The following XXYLT1 variants were observed in gnomAD, a reference collection of about 807,000 sequenced individuals.
The protein encoded by XXYLT1 is xyloside xylosyltransferase 1, also known as UDP-xylose:alpha-xyloside alpha-1,3-xylosyltransferase.
A neutral mutation model predicts 28.9 loss-of-function variants in XXYLT1; 20 were observed. The ratio of observed to expected loss-of-function variants is 0.69; its 90% CI spans 0.49 to 1.00. The LOEUF (loss-of-function observed/expected upper bound fraction) is 1.00, where lower values mean the gene tolerates loss of function less well. XXYLT1 is among the 50% of genes least tolerant of loss of function. XXYLT1 has a pLI of 0.00. For missense variants in XXYLT1, 542 were observed against 560.1 expected (o/e 0.97, Z 0.33); for synonymous variants, 257 against 253.8 (o/e 1.01, Z -0.12).
chr3:195,152,453 CGAGA>C (rs1412269749), intron 3 of XXYLT1: 3 of 151,928 alleles, frequency 2.0e-5, no homozygotes, highest in Non-Finnish European at 4.4e-5. Flanking sequence ...AACAGGGACC[CGAGA>C]GAGAGAGGCT....
chr3:195,270,895 A>G lies in XXYLT1; in HGVS notation c.164T>C (p.Leu55Pro). 2 of 1,464,132 alleles carry G rather than the reference A, an allele frequency of 1.4e-6. No homozygotes were observed. Among genetic ancestry groups the G allele is most frequent in the Non-Finnish European group, 1.8e-6 (2 of 1,109,380 alleles). The allele number at this position is 1,464,132 out of a possible 1,614,324, so 90.7% of individuals were successfully genotyped here. Reference protein sequence around the residue: ...RETFSSATKRLKEARAGAPAA... With the variant: ...RETFSSATKRPKEARAGAPAA... ...GGGAGCCCCGGCGCGGGCCTCCTTC[A>G]GCCTCTTGGTGGCGCTGGAGAAGGT... Residue 55 changes from leucine to proline, a missense_variant, in exon 1 of 4, where the codon CTG (leucine) becomes CCG (proline). Coordinates refer to ENST00000310380, the MANE Select transcript of XXYLT1 (RefSeq NM_152531.5).
At position 195,164,267 on chromosome 3, in the gene XXYLT1, C is replaced by A. The variant is rs1721007771; in HGVS notation, c.653-7686G>T. Among the ~76,000 whole-genome samples, 4 of 152,232 alleles carry A rather than the reference C, an allele frequency of 2.6e-5. No individual in the cohort carries two copies. In the South Asian group the frequency reaches 8.3e-4, roughly 31 times the overall value. On this transcript the variant is annotated intron_variant, in intron 2 of 3. Transcript: ENST00000310380. Reference sequence around the variant, plus strand: ...ATGGGAACTAAGTCCATGTCACTGGCCCCACATCCAGATCCCCTTTCCCTG... The same window carrying A: ...ATGGGAACTAAGTCCATGTCACTGGACCCACATCCAGATCCCCTTTCCCTG...
chr3:195,244,240 T>C (rs545703407), intron 1 of XXYLT1, among the ~76,000 whole-genome samples: 1 of 152,304 alleles, frequency 6.6e-6, no homozygotes, highest in East Asian at 1.9e-4. Flanking sequence ...ACCGGCCCAC[T>C]GGACAGCAGG....
At chr3:195,175,461 A>C (rs2108725918) in intron 2 of XXYLT1, among the ~76,000 whole-genome samples, 1 of 152,330 alleles carries the variant, frequency 6.6e-6, no homozygotes, top group South Asian at 2.1e-4. Context: ...AGCTTCGGAA[A>C]GGGCACATTT....
chr3:195,186,967 T>G (rs1287862185), intron 2 of XXYLT1, among the ~76,000 whole-genome samples: 1 of 148,628 alleles, frequency 6.7e-6, no homozygotes, highest in African/African-American at 2.5e-5. Context: ...CGATCTCGGC[T>G]CACCGCAACC....
intron 1 of XXYLT1, among the ~76,000 whole-genome samples, chr3:195,238,373 C>A (rs1193734387): frequency 6.6e-6 from 1 of 152,174 alleles, no homozygotes; most frequent in Non-Finnish European, 1.5e-5. Flanking sequence ...TTCCTAACAC[C>A]CTGCATCGCA....
chr3:195,112,852 C>T (rs946193247), intron 3 of XXYLT1, among the ~76,000 whole-genome samples: 14 of 146,498 alleles, frequency 9.6e-5, no homozygotes, highest in African/African-American at 1.5e-4. Context: ...CACACCCACA[C>T]GCATGCACAC....
At chr3:195,152,952 T>C (rs542270154) in intron 3 of XXYLT1, among the ~76,000 whole-genome samples, 2 of 152,340 alleles carry the variant, frequency 1.3e-5, no homozygotes, top group Non-Finnish European at 2.9e-5. Flanking sequence ...CTCACTCCCC[T>C]CTCTGGGGAG....
intron 3 of XXYLT1, among the ~76,000 whole-genome samples, chr3:195,088,297 T>G (rs200650462): frequency 0.16 from 24,440 of 148,688 alleles, 2,382 homozygotes; most frequent in African/African-American, 0.29. Flanking sequence ...CTGACAGCTT[T>G]GAAGAGAGCA....
chr3:195,070,200 G>GCAAA, intron 3 of XXYLT1, 89 bp from the exon 4 acceptor site: 2 of 1,457,866 alleles, frequency 1.4e-6, no homozygotes, highest in East Asian at 2.3e-5. Flanking sequence ...CAGCCTGCAT[G>GCAAA]CAAACACTGC....
chr3:195,234,225 T>C (rs1724428068), intron 1 of XXYLT1, among the ~76,000 whole-genome samples: 1 of 150,992 alleles, frequency 6.6e-6, no homozygotes, highest in Non-Finnish European at 1.5e-5. Context: ...CCAGCATTTC[T>C]TGTACGATAG....
At chr3:195,147,091 T>C (rs1359586923) in intron 3 of XXYLT1, 1 of 153,752 alleles carries the variant, frequency 6.5e-6, no homozygotes, top group African/African-American at 2.4e-5. Context: ...ATCTTGTCCA[T>C]GGGATATCTC....
At chr3:195,237,542 C>T (rs7626520) in intron 1 of XXYLT1, among the ~76,000 whole-genome samples, 8,668 of 151,790 alleles carry the variant, frequency 0.057, 842 homozygotes, top group African/African-American at 0.2. Flanking sequence ...TTAGTGCCCA[C>T]GAAGGTGCTT....
chr3:195,123,456 C>A (rs1002599886), intron 3 of XXYLT1, among the ~76,000 whole-genome samples: 14 of 152,220 alleles, frequency 9.2e-5, no homozygotes, highest in Non-Finnish European at 1.9e-4. Context: ...GGAGGTGCTA[C>A]TGCCTGAGTC....
chr3:195,171,622 T>TCAAA (rs574115855), intron 2 of XXYLT1, among the ~76,000 whole-genome samples: 3 of 152,188 alleles, frequency 2.0e-5, no homozygotes, highest in Non-Finnish European at 4.4e-5. Context: ...TCCATGGATG[T>TCAAA]CAAACAAACA....
Position 195,069,634 on chromosome 3 carries a change from G to C in XXYLT1, c.*81C>G. 1 of 1,512,760 alleles carries C rather than the reference G, an allele frequency of 6.6e-7. No individual in the cohort carries two copies. Among genetic ancestry groups the C allele is most frequent in the Non-Finnish European group, 8.8e-7 (1 of 1,133,702 alleles). 93.7% of individuals were successfully genotyped at this position (1,512,760 alleles called of 1,614,324 possible). A position where few individuals can be genotyped will look rare whatever the true frequency, so the allele number is the denominator to read the frequency against. On this transcript the variant is annotated 3_prime_UTR_variant, in exon 4 of 4. Transcript: ENST00000310380. ...CCTGCGGTGTCTCTCTAGCGGGTCA[G>C]ACACTGCCCTTGGGTCTGTCCCAAG...
At chr3:195,207,844 G>A (rs1723139649) in intron 2 of XXYLT1, among the ~76,000 whole-genome samples, 1 of 152,182 alleles carries the variant, frequency 6.6e-6, no homozygotes, top group African/African-American at 2.4e-5. Context: ...TGTGGCTGCT[G>A]GTGGGCCTCA....
At chr3:195,236,507 G>A (rs1354108260) in intron 1 of XXYLT1, among the ~76,000 whole-genome samples, 2 of 152,054 alleles carry the variant, frequency 1.3e-5, no homozygotes, top group African/African-American at 4.8e-5. Context: ...CTCCCCTCTG[G>A]CCTGGGGTAG....
In XXYLT1 at chr3:195,088,518, C is replaced by A. The variant is rs1715932903; in HGVS notation, c.786-18407G>T. Among the ~76,000 whole-genome samples, 4 of 130,280 alleles carry A rather than the reference C, an allele frequency of 3.1e-5. No individual in the cohort carries two copies. In the South Asian group the frequency reaches 1.1e-3, roughly 37 times the overall value. 85.5% of individuals were successfully genotyped at this position (130,280 alleles called of 152,430 possible). On this transcript the variant is annotated intron_variant, in intron 3 of 3. Transcript: ENST00000310380. ...CAGAAAGGACATCCACACCAAAAAC[C>A]CATCTGTACATCACCATCATCAAAG...
Sources: allele counts gnomAD v4.1 joint callset (sites outside exome capture counted in the v4.1 genomes callset), GRCh38; gene constraint gnomAD v4.1.1; transcripts MANE v1.5; gene names NCBI Gene and HGNC (gene_info 2026-07-23, HGNC 2026-07-21).